The following DPP10 variants were observed in gnomAD, a reference collection of about 807,000 sequenced individuals.
DPP10 encodes inactive dipeptidyl peptidase 10.
In DPP10, 33 loss-of-function variants were observed where a neutral mutation model predicts 120.9. That is an observed-to-expected ratio of 0.27 (90% CI 0.21 to 0.37). The LOEUF is 0.37. DPP10 is among the 10% of genes least tolerant of loss of function. The pLI is 1.00. For missense variants in DPP10, 816 were observed against 942.8 expected (o/e 0.87, Z 1.76); for synonymous variants, 337 against 326.1 (o/e 1.03, Z -0.36).
At chr2:115,221,754 GTTTTTTTTTTTTT>G (rs56077672) in intron 1 of DPP10, among the ~76,000 whole-genome samples, 47 of 120,152 alleles carry the variant, frequency 3.9e-4, no homozygotes, top group African/African-American at 1.5e-3. Context: ...GTTTGTTTCT[GTTTTTTTTTTTTT>G]TTTTTTTTTT....
intron 13 of DPP10, among the ~76,000 whole-genome samples, chr2:115,769,632 A>G (rs1369321535): frequency 6.6e-6 from 1 of 152,026 alleles, no homozygotes; most frequent in African/African-American, 2.4e-5. Flanking sequence ...GATCCTATTT[A>G]TGCTCTAAAT....
In DPP10 at chr2:115,843,553, T is replaced by A. The variant is rs2150145128; in HGVS notation, c.*1208T>A. 1 of 152,326 alleles carries A rather than the reference T, an allele frequency of 6.6e-6. No homozygotes were observed. The highest frequency in any genetic ancestry group is 2.1e-4 in the South Asian group (1 of 4,830). The allele number at this position is 152,326 out of a possible 1,614,324, so 9.4% of individuals were successfully genotyped here. On this transcript the variant is annotated 3_prime_UTR_variant, in exon 26 of 26. Transcript: ENST00000410059. ...CTTCTGGTGAGAATTAGAAATGAAA[T>A]ATTTTTTATTCATTGGCCAAAAAGT...
At chr2:115,273,605 G>T (rs2059792181) in intron 1 of DPP10, among the ~76,000 whole-genome samples, 1 of 152,194 alleles carries the variant, frequency 6.6e-6, no homozygotes, top group Non-Finnish European at 1.5e-5. Flanking sequence ...CAAAGTGCTG[G>T]GATGACAGGC....
intron 1 of DPP10, among the ~76,000 whole-genome samples, chr2:115,099,175 G>A (rs535847847): frequency 5.9e-5 from 9 of 151,820 alleles, no homozygotes; most frequent in East Asian, 5.8e-4. Flanking sequence ...ATAGCTGGAC[G>A]TGGTGGTGGG....
intron 1 of DPP10, among the ~76,000 whole-genome samples, chr2:115,016,876 C>A (rs1257172160): frequency 6.6e-6 from 1 of 152,020 alleles, no homozygotes; most frequent in South Asian, 2.1e-4. Flanking sequence ...ACTATGCAGC[C>A]ATAGAAAATG....
chr2:114,916,346 G>GA (rs371012879), intron 1 of DPP10, among the ~76,000 whole-genome samples: 253 of 152,086 alleles, frequency 1.7e-3, no homozygotes, highest in African/African-American at 6.0e-3. Flanking sequence ...AATCTAACCA[G>GA]AAAAAGCCCT....
At chr2:115,434,490 A>C (rs543970390) in intron 3 of DPP10, among the ~76,000 whole-genome samples, 1 of 152,094 alleles carries the variant, frequency 6.6e-6, no homozygotes, top group South Asian at 2.1e-4. Flanking sequence ...CACAGCATAG[A>C]TTGGAGCAAA....
chr2:114,474,160 G>A (rs1680179489), intron 1 of DPP10, among the ~76,000 whole-genome samples: 1 of 152,184 alleles, frequency 6.6e-6, no homozygotes. Context: ...TTTGCACCAT[G>A]TTAGACAGTC....
At chr2:114,488,626 G>C (rs1681720329) in intron 1 of DPP10, among the ~76,000 whole-genome samples, 1 of 152,180 alleles carries the variant, frequency 6.6e-6, no homozygotes, top group South Asian at 2.1e-4. Context: ...GAGCCATAGT[G>C]TATAGTGTTT....
chr2:114,860,994 T>C (rs1689766556), intron 1 of DPP10, among the ~76,000 whole-genome samples: 1 of 152,228 alleles, frequency 6.6e-6, no homozygotes, highest in African/African-American at 2.4e-5. Flanking sequence ...TATTTTTACA[T>C]GAGGAGCTAG....
chr2:115,565,549 A>G (rs1431153404), intron 5 of DPP10, among the ~76,000 whole-genome samples: 1 of 152,184 alleles, frequency 6.6e-6, no homozygotes, highest in Non-Finnish European at 1.5e-5. Context: ...GGATAAAAAA[A>G]AATCCTGGTC....
At chr2:115,464,513 C>G (rs1046707337) in intron 3 of DPP10, among the ~76,000 whole-genome samples, 11 of 151,988 alleles carry the variant, frequency 7.2e-5, no homozygotes, top group Non-Finnish European at 1.0e-4. Flanking sequence ...TTTTTCACCC[C>G]TGAGGCTGTT....
At chr2:115,148,923 G>A (rs546404588) in intron 1 of DPP10, among the ~76,000 whole-genome samples, 17 of 151,914 alleles carry the variant, frequency 1.1e-4, no homozygotes, top group Non-Finnish European at 2.4e-4. Context: ...ACATCCTAAG[G>A]CATTATAATG....
chr2:115,783,888 G>T (rs1354870368), intron 17 of DPP10, among the ~76,000 whole-genome samples: 1 of 152,040 alleles, frequency 6.6e-6, no homozygotes, highest in Non-Finnish European at 1.5e-5. Flanking sequence ...ATAAACAAAT[G>T]TGTTTGCAGT....
At chr2:114,716,619 G>C (rs1005121874) in intron 1 of DPP10, among the ~76,000 whole-genome samples, 3 of 152,154 alleles carry the variant, frequency 2.0e-5, no homozygotes, top group African/African-American at 7.2e-5. Flanking sequence ...GCAACATCTT[G>C]CTGTATACAA....
At chr2:115,828,138 T>C (rs1197851031) in intron 21 of DPP10, among the ~76,000 whole-genome samples, 1 of 152,104 alleles carries the variant, frequency 6.6e-6, no homozygotes. Context: ...AAATATTTTA[T>C]TATTTTCTGG....
chr2:115,560,614 G>GA (rs201722552), intron 5 of DPP10, among the ~76,000 whole-genome samples: 8 of 149,484 alleles, frequency 5.4e-5, no homozygotes, highest in Admixed American at 6.7e-5. Context: ...GCTGAGATCA[G>GA]AAATTTTTTT....
chr2:115,447,902 T>C lies in DPP10; in HGVS notation c.272-51608T>C, dbSNP rs555473969. 6.6e-5 allele frequency among the ~76,000 whole-genome samples: 10 copies of C among 152,318 alleles called. No individual in the cohort carries two copies. In the South Asian group the frequency reaches 2.1e-3, roughly 32 times the overall value. ...AACAGATTCTTGGGTAGGATGGCAG[T>C]AATGCAGTTTGATACCAAAAGGTGA... is the stretch of plus-strand genomic sequence containing the variant. On this transcript the variant is annotated intron_variant, in intron 3 of 25. Transcript: ENST00000410059.
chr2:115,195,741 C>T (rs1399937965), intron 1 of DPP10, among the ~76,000 whole-genome samples: 3 of 152,170 alleles, frequency 2.0e-5, no homozygotes, highest in African/African-American at 7.2e-5. Context: ...GCTGCCTCTG[C>T]CTTGGTTTTG....
Sources: allele counts gnomAD v4.1 joint callset (sites outside exome capture counted in the v4.1 genomes callset), GRCh38; gene constraint gnomAD v4.1.1; transcripts MANE v1.5; gene names NCBI Gene and HGNC (gene_info 2026-07-23, HGNC 2026-07-21).